The following MTF1 variants were observed in gnomAD, a reference collection of about 807,000 sequenced individuals.
MTF1 encodes MRE-binding transcription factor.
In MTF1, 22 loss-of-function variants were observed where a neutral mutation model predicts 70.4. The observed-to-expected ratio is 0.31, with a 90% CI of 0.22 to 0.45. The LOEUF (loss-of-function observed/expected upper bound fraction) is 0.45. MTF1 is among the 20% of genes least tolerant of loss of function. The pLI, the probability that MTF1 is intolerant of heterozygous loss-of-function variation, is 1.00. For synonymous variants in MTF1, 333 were observed against 352.8 expected (o/e 0.94, Z 0.63); for missense variants, 649 against 922.0 (o/e 0.70, Z 3.83).
rs1491045290 is a variant in MTF1 at position 37,813,860 on chromosome 1, CAA to C, written c.*1274_*1275del. 1 of 152,684 alleles carries C rather than the reference CAA, an allele frequency of 6.5e-6. No homozygotes were observed. Among genetic ancestry groups the C allele is most frequent in the Non-Finnish European group, 1.5e-5 (1 of 68,046 alleles). The allele number at this position is 152,684 out of a possible 1,614,324, so 9.5% of individuals were successfully genotyped here. A position where few individuals can be genotyped will look rare whatever the true frequency, so the allele number is the denominator to read the frequency against. Reference sequence around the variant, plus strand: ...GATATAATTCTATAACACACACACACAATTTTTTCCTATAACACAACTTAATG... The same window carrying C: ...GATATAATTCTATAACACACACACACTTTTTTCCTATAACACAACTTAATG... On this transcript the variant is annotated 3_prime_UTR_variant, in exon 11 of 11. Coordinates refer to ENST00000373036, the MANE Select transcript of MTF1 (RefSeq NM_005955.3).
At position 37,815,272 on chromosome 1, in the gene MTF1, G is replaced by T; in HGVS notation, c.2126C>A (p.Thr709Lys). ...CACATCCATGGCACTTAATGTTTCT[G>T]TCTGAGGGTCTGAAGGAGTCTCTGC... ...RQAETPSDPQTETLSAMDVSE... is the reference protein window; with the variant it reads ...RQAETPSDPQKETLSAMDVSE... Residue 709 changes from threonine (T) to lysine (K), a missense_variant, in exon 11 of 11, where the codon ACA becomes AAA. Coordinates refer to ENST00000373036, the MANE Select transcript of MTF1 (RefSeq NM_005955.3). The surrounding 1 kb of genome is among the most constrained non-coding windows in gnomAD (Gnocchi z 4.5). The T allele has an allele frequency of 6.2e-7, 1 of 1,614,116 alleles. No individual in the cohort carries two copies. The highest frequency in any genetic ancestry group is 8.5e-7 in the Non-Finnish European group (1 of 1,180,042).
intron 6 of MTF1, among the ~76,000 whole-genome samples, chr1:37,834,825 C>T (rs188409474): frequency 1.5e-3 from 226 of 152,248 alleles, no homozygotes; most frequent in Non-Finnish European, 2.4e-3. Context: ...AAACCAGAGC[C>T]GCCATTTACC....
At chr1:37,831,653 T>TG (rs1488319356) in intron 7 of MTF1, among the ~76,000 whole-genome samples, 1 of 152,164 alleles carries the variant, frequency 6.6e-6, no homozygotes, top group Non-Finnish European at 1.5e-5. Context: ...CCTAACAGCT[T>TG]GAATCAAAGC....
chr1:37,828,139 A>G (rs894085474), intron 7 of MTF1: 28 of 405,490 alleles, frequency 6.9e-5, no homozygotes, highest in Admixed American at 3.5e-5. Context: ...AAAGCCACAC[A>G]TAAACAAGTA....
rs552960241 is a variant in MTF1 at position 37,811,680 on chromosome 1, G to A, written c.*3456C>T. On this transcript the variant is annotated 3_prime_UTR_variant, in exon 11 of 11. Coordinates refer to ENST00000373036, the MANE Select transcript of MTF1 (RefSeq NM_005955.3). ...CACCCACCCTCCAATATCCCCATCA[G>A]TCCACAGCCTTGACCCTGAAAATAA... 3.3e-5 allele frequency: 5 copies of A among 152,108 alleles called. No homozygotes were observed. The highest frequency in any genetic ancestry group is 1.2e-4 in the African/African-American group (5 of 41,468). 9.4% of individuals were successfully genotyped at this position (152,108 alleles called of 1,614,324 possible).
In MTF1 at chr1:37,823,825, G is replaced by A; in HGVS notation, c.1069-13C>T. On this transcript the variant is annotated splice_polypyrimidine_tract_variant and intron_variant, in intron 7 of 10. Transcript: ENST00000373036. Reference sequence around the variant, plus strand: ...CCTGGCCCTGGGTCTGATGGAGAGAGACAAAGATGTGAGATTGGCCATCTT... The same window carrying A: ...CCTGGCCCTGGGTCTGATGGAGAGAAACAAAGATGTGAGATTGGCCATCTT... 1 of 1,598,628 alleles carries A rather than the reference G, an allele frequency of 6.3e-7. No individual in the cohort carries two copies.
intron 9 of MTF1, among the ~76,000 whole-genome samples, chr1:37,821,436 AT>A (rs1640908598): frequency 6.6e-6 from 1 of 152,286 alleles, no homozygotes; most frequent in African/African-American, 2.4e-5. Flanking sequence ...TACTGGTAAT[AT>A]TAACTTTCTT....
rs765251392 is a variant in MTF1, at chr1:37,823,760, A to G, written c.1121T>C (p.Met374Thr). The change falls in exon 8 of 11, where the codon ATG becomes ACG. Residue 374 changes from methionine to threonine, a missense_variant. Around this residue, in one of 7 missense-constraint regions of MTF1, gnomAD observed 267 missense variants for 292.1 expected, o/e 0.91. Coordinates refer to ENST00000373036, the MANE Select transcript of MTF1 (RefSeq NM_005955.3). ...TISPAIIFES[M>T]FQNSDDTAIQ... ...TGCCGTATCATCTGAATTCTGGAAC[A>G]TTGATTCAAAGATGATTGCTGGTGA... is the stretch of plus-strand genomic sequence containing the variant. 1.2e-6 allele frequency: 2 copies of G among 1,614,124 alleles called. No homozygotes were observed. Among genetic ancestry groups the G allele is most frequent in the East Asian group, 2.2e-5 (1 of 44,872 alleles).
rs971645136 is a variant in MTF1 at position 37,853,884 on chromosome 1, T to C, written c.408+3367A>G. Among the ~76,000 whole-genome samples, 5 of 152,214 alleles carry C rather than the reference T, an allele frequency of 3.3e-5. No homozygotes were observed. The East Asian group carries it at 9.6e-4, about 29-fold the overall frequency. ...GCTATAAATCGACTACCACAATCAT[T>C]TGCAACATCCACAGAGCATAACAGC... On this transcript the variant is annotated intron_variant, in intron 2 of 10. Transcript: ENST00000373036.
intron 2 of MTF1, among the ~76,000 whole-genome samples, chr1:37,846,678 G>A (rs1402857996): frequency 6.6e-6 from 1 of 152,048 alleles, no homozygotes; most frequent in African/African-American, 2.4e-5. Context: ...GAGAAGAAAG[G>A]TGAATGGGAT....
chr1:37,834,343 T>TG (rs36044605), intron 6 of MTF1, among the ~76,000 whole-genome samples: 89,020 of 140,436 alleles, frequency 0.63, 28,327 homozygotes, highest in Non-Finnish European at 0.72. Context: ...AGGAAGCTAC[T>TG]GGAGGCCAGG....
chr1:37,840,273 C>A lies in MTF1; in HGVS notation c.409-115G>T. ...GTGGACAATACAACTGGGTTTTCAT[C>A]ATAAACACAGAAAACAGCCTCTAGC... is the stretch of plus-strand genomic sequence containing the variant. On this transcript the variant is annotated intron_variant, in intron 2 of 10. Coordinates refer to ENST00000373036, the MANE Select transcript of MTF1 (RefSeq NM_005955.3). This position sits in a 1 kb window ranked among gnomAD's most constrained non-coding sequence, Gnocchi z 4.5. The A allele has an allele frequency of 1.1e-6, 1 of 924,102 alleles. No individual in the cohort carries two copies. The highest frequency in any genetic ancestry group is 1.6e-5 in the African/African-American group (1 of 60,806). 57.2% of individuals were successfully genotyped at this position (924,102 alleles called of 1,614,324 possible).
At chr1:37,825,058 A>C (rs1326273989) in intron 7 of MTF1, among the ~76,000 whole-genome samples, 1 of 152,132 alleles carries the variant, frequency 6.6e-6, no homozygotes, top group Non-Finnish European at 1.5e-5. Flanking sequence ...TTCGTAGGGC[A>C]AGAGTGGTAA....
At chr1:37,852,537 T>C (rs1641432076) in intron 2 of MTF1, among the ~76,000 whole-genome samples, 2 of 152,176 alleles carry the variant, frequency 1.3e-5, no homozygotes. Context: ...ACTCTTCACC[T>C]AGATTTGAGC....
Position 37,843,303 on chromosome 1 carries a change from GT to G in MTF1, c.409-3146del, listed in dbSNP as rs989250808. On this transcript the variant is annotated intron_variant, in intron 2 of 10. Coordinates refer to ENST00000373036, the MANE Select transcript of MTF1 (RefSeq NM_005955.3). Reference sequence around the variant, plus strand: ...GGGTTAAGCCACCACGCCTGGCCTGGTTTTTTTTTTTAAAGTAAGTCAGTTC... The same window carrying G: ...GGGTTAAGCCACCACGCCTGGCCTGGTTTTTTTTTTAAAGTAAGTCAGTTC... Among the ~76,000 whole-genome samples the G allele has an allele frequency of 5.1e-4, 76 of 148,076 alleles. 1 individual carries two copies. Among genetic ancestry groups the G allele is most frequent in the African/African-American group, 1.4e-3 (58 of 40,658 alleles).
At chr1:37,848,097 G>A (rs1443594520) in intron 2 of MTF1, among the ~76,000 whole-genome samples, 4 of 152,174 alleles carry the variant, frequency 2.6e-5, no homozygotes, top group East Asian at 1.9e-4. Context: ...CAATTTATAT[G>A]TAAGCTTGTC....
At chr1:37,819,951 C>CAA (rs766621404) in intron 9 of MTF1, among the ~76,000 whole-genome samples, 1,250 of 82,412 alleles carry the variant, frequency 0.015, 45 homozygotes, top group Middle Eastern at 0.026. Context: ...GACTCTGACT[C>CAA]AAAAAAAAAA....
chr1:37,831,235 C>T (rs1399077349), intron 7 of MTF1, among the ~76,000 whole-genome samples: 4 of 152,146 alleles, frequency 2.6e-5, no homozygotes, highest in African/African-American at 9.7e-5. Context: ...AACTCTGCCA[C>T]TACCAGAAGG....
At chr1:37,837,359 T>C (rs1273945086) in intron 4 of MTF1, among the ~76,000 whole-genome samples, 1 of 152,148 alleles carries the variant, frequency 6.6e-6, no homozygotes, top group Admixed American at 6.6e-5. Flanking sequence ...CACAATTCCA[T>C]TTGATTGGCA....
Sources: gnomAD v4.1 joint callset for allele counts (sites outside exome capture counted in the v4.1 genomes callset) on GRCh38, gnomAD v4.1.1 for gene constraint, gnomAD v4.1.1 regional missense constraint, Gnocchi (gnomAD v3.1) non-coding constraint, MANE v1.5 for transcripts, NCBI Gene and HGNC (gene_info 2026-07-23, HGNC 2026-07-21) for gene names.